GRID2: variants seen among roughly 807,000 people sequenced by gnomAD.
The protein encoded by GRID2 is glutamate ionotropic receptor delta type subunit 2, also known as glutamate receptor ionotropic, delta-2.
In GRID2, 33 loss-of-function variants were observed where a neutral mutation model predicts 114.8. That is an observed-to-expected ratio of 0.29 (90% CI 0.22 to 0.38). The LOEUF is 0.38. Among genes scored for constraint, GRID2 ranks in the 10% least tolerant of loss-of-function variants. GRID2 has a pLI of 1.00. For synonymous variants in GRID2, 505 were observed against 449.9 expected (o/e 1.12, Z -1.55); for missense variants, 1,184 against 1,257.7 (o/e 0.94, Z 0.89).
At chr4:93,517,933 GTAT>G in intron 13 of GRID2, among the ~76,000 whole-genome samples, 1 of 37,930 alleles carries the variant, frequency 2.6e-5, no homozygotes, top group South Asian at 5.7e-4. Context: ...TACTATATAT[GTAT>G]GTATATACAT....
At chr4:92,875,162 T>TC (rs1745534856) in intron 2 of GRID2, among the ~76,000 whole-genome samples, 1 of 144,440 alleles carries the variant, frequency 6.9e-6, no homozygotes, top group Non-Finnish European at 1.5e-5. Context: ...TTTTTTTTTT[T>TC]TTTTTTTTTT....
rs1308134678 is a variant in GRID2, at chr4:93,407,799, GTCC to G, written c.1347+12100_1347+12102del. On this transcript the variant is annotated intron_variant, in intron 9 of 15. Transcript: ENST00000282020. The stretch of plus-strand genomic sequence containing the variant: ...CCTCATCCTCCTCGTCCTCCTCCTC[GTCC>G]TCCTCCTCTTCCTCCTCCTCCTTCT... Among the ~76,000 whole-genome samples the G allele has an allele frequency of 4.4e-4, 18 of 41,120 alleles. No individual in the cohort carries two copies. The Admixed American group carries it at 5.5e-3, about 13-fold the overall frequency. The allele number at this position is 41,120 out of a possible 152,430, so 27.0% of individuals were successfully genotyped here.
chr4:93,090,119 G>T (rs1037445871), intron 3 of GRID2, among the ~76,000 whole-genome samples: 14 of 152,136 alleles, frequency 9.2e-5, no homozygotes, highest in African/African-American at 3.4e-4. Flanking sequence ...TCCCCCGTGA[G>T]ATTGCCACTC....
chr4:93,271,170 C>T (rs973485969), intron 8 of GRID2, among the ~76,000 whole-genome samples: 1 of 152,132 alleles, frequency 6.6e-6, no homozygotes, highest in South Asian at 2.1e-4. Flanking sequence ...TGGTCCCATT[C>T]TGAAGCACGT....
At chr4:93,430,103 G>T (rs1399827787) in intron 10 of GRID2, among the ~76,000 whole-genome samples, 3 of 152,012 alleles carry the variant, frequency 2.0e-5, no homozygotes, top group African/African-American at 7.2e-5. Context: ...TTCCTATGAT[G>T]GGTATTTTAG....
intron 9 of GRID2, among the ~76,000 whole-genome samples, chr4:93,401,298 A>C (rs2149338699): frequency 6.6e-6 from 1 of 152,230 alleles, no homozygotes; most frequent in Non-Finnish European, 1.5e-5. Context: ...AGTCTATAGT[A>C]AAGACTGTGA....
chr4:92,819,339 T>G (rs922794494), intron 2 of GRID2, among the ~76,000 whole-genome samples: 13 of 152,046 alleles, frequency 8.6e-5, no homozygotes, highest in Non-Finnish European at 1.8e-4. Context: ...TCAGAAGTTT[T>G]TAAGCTCCTG....
At chr4:93,752,662 G>T (rs1168607781) in intron 14 of GRID2, among the ~76,000 whole-genome samples, 3 of 152,086 alleles carry the variant, frequency 2.0e-5, no homozygotes, top group Admixed American at 6.5e-5. Context: ...GAGCCACCGC[G>T]CCTGGCCAAT....
chr4:93,781,639 G>T (rs1452384429), intron 1 of GRID2, among the ~76,000 whole-genome samples: 2 of 152,074 alleles, frequency 1.3e-5, no homozygotes, highest in African/African-American at 2.4e-5. Context: ...TATAATATAT[G>T]CATATAACAT....
intron 2 of GRID2, 54 bp from the exon 3 acceptor site, chr4:93,084,941 G>C: frequency 6.9e-7 from 1 of 1,446,158 alleles, no homozygotes; most frequent in South Asian, 1.2e-5. Context: ...TCTCAAAAAG[G>C]GAAAACTATG....
intron 2 of GRID2, among the ~76,000 whole-genome samples, chr4:93,003,098 G>A (rs1053402360): frequency 2.0e-5 from 3 of 151,826 alleles, no homozygotes; most frequent in Admixed American, 1.3e-4. Flanking sequence ...CACATTGGCA[G>A]TGTCTTTTGC....
rs3970984 is a variant in GRID2 at position 93,136,232 on chromosome 4, T to TTGTGTGTG, written c.735+25319_735+25326dup. Among the ~76,000 whole-genome samples, 65 of 142,364 alleles carry TTGTGTGTG rather than the reference T, an allele frequency of 4.6e-4. 1 individual carries two copies. Among genetic ancestry groups the TTGTGTGTG allele is most frequent in the East Asian group, 3.5e-3 (17 of 4,802 alleles). The allele number at this position is 142,364 out of a possible 152,430, so 93.4% of individuals were successfully genotyped here. On this transcript the variant is annotated intron_variant, in intron 4 of 15. Coordinates refer to ENST00000282020, the MANE Select transcript of GRID2 (RefSeq NM_001510.4). Reference sequence around the variant, plus strand: ...CCTGTGTTAAAAATTCCAACAGTTATTGTGTGTGTGTGTGTGTGTGTGTGT... The same window carrying TTGTGTGTG: ...CCTGTGTTAAAAATTCCAACAGTTATTGTGTGTGTGTGTGTGTGTGTGTGTGTGTGTGT...
chr4:93,128,023 G>A (rs1258469487), intron 4 of GRID2, among the ~76,000 whole-genome samples: 1 of 22,974 alleles, frequency 4.4e-5, no homozygotes, highest in African/African-American at 2.1e-4. Flanking sequence ...CTTGTCCCCC[G>A]CAACAAAAAA....
intron 1 of GRID2, among the ~76,000 whole-genome samples, chr4:92,315,438 C>T (rs1725917711): frequency 1.3e-5 from 2 of 152,050 alleles, no homozygotes; most frequent in Admixed American, 6.5e-5. Context: ...TGATGAAATA[C>T]AGAACATTGA....
rs1228766148 is a variant in GRID2 at position 92,532,607 on chromosome 4, C to G, written c.89-57524C>G. ...AGAATAATTTTAAAAGAAGTTTTTC[C>G]AAATTTGACAATAGATGGCCTCTAA... On this transcript the variant is annotated intron_variant, in intron 1 of 15. Coordinates refer to ENST00000282020, the MANE Select transcript of GRID2 (RefSeq NM_001510.4). Among the ~76,000 whole-genome samples, 3 of 151,870 alleles carry G rather than the reference C, an allele frequency of 2.0e-5. No homozygotes were observed. In the South Asian group the frequency reaches 6.2e-4, roughly 32 times the overall value.
rs192550248 is a variant in GRID2 at position 93,473,541 on chromosome 4, C to A, written c.1859-17098C>A. ...GAAACTACTTGGACATAAAACATGA[C>A]AACTCTGCACACCTTAAAAATTACC... On this transcript the variant is annotated intron_variant, in intron 11 of 15. Transcript: ENST00000282020. Among the ~76,000 whole-genome samples, 3 of 152,152 alleles carry A rather than the reference C, an allele frequency of 2.0e-5. No individual in the cohort carries two copies. In the East Asian group the frequency reaches 5.8e-4, roughly 29 times the overall value.
chr4:93,071,489 AATG>A (rs1297007333), intron 2 of GRID2, among the ~76,000 whole-genome samples: 2 of 152,136 alleles, frequency 1.3e-5, no homozygotes, highest in Admixed American at 1.3e-4. Flanking sequence ...AATACAATCA[AATG>A]ATGATAACTA....
intron 1 of GRID2, among the ~76,000 whole-genome samples, chr4:92,521,978 T>C (rs1724803523): frequency 6.6e-6 from 1 of 151,964 alleles, no homozygotes; most frequent in African/African-American, 2.4e-5. Flanking sequence ...AAATCAAGAT[T>C]CCATCCCTCG....
intron 13 of GRID2, among the ~76,000 whole-genome samples, chr4:93,567,801 G>A (rs549712763): frequency 1.1e-4 from 16 of 152,276 alleles, no homozygotes; most frequent in African/African-American, 3.6e-4. Flanking sequence ...TCCCAGCCTT[G>A]TTGATGGATT....
Sources: allele counts gnomAD v4.1 joint callset (sites outside exome capture counted in the v4.1 genomes callset), GRCh38; gene constraint gnomAD v4.1.1; transcripts MANE v1.5; gene names NCBI Gene and HGNC (gene_info 2026-07-23, HGNC 2026-07-21).